The following ANKS1B variants were observed in gnomAD, a reference collection of about 807,000 sequenced individuals.
ANKS1B encodes ankyrin repeat and sterile alpha motif domain containing 1B.
ANKS1B carries 36 observed loss-of-function variants against 148.3 expected under a neutral mutation model. The observed-to-expected ratio is 0.24, with a 90% CI of 0.19 to 0.32. ANKS1B has a LOEUF of 0.32. Ranked by LOEUF, ANKS1B falls within the 10% of genes least tolerant of loss-of-function variation. The pLI, the probability that ANKS1B is intolerant of heterozygous loss-of-function variation, is 1.00. For missense variants in ANKS1B, 1,157 were observed against 1,542.6 expected, an observed-to-expected ratio of 0.75 and a Z score of 4.19; for synonymous variants, 542 against 560.8, an observed-to-expected ratio of 0.97 and a Z score of 0.47.
chr12:99,075,920 A>G (rs550550916), intron 16 of ANKS1B, among the ~76,000 whole-genome samples: 2 of 149,216 alleles, frequency 1.3e-5, no homozygotes, highest in South Asian at 2.1e-4. Flanking sequence ...ATAGGAATAT[A>G]ATATGTTAAT....
At chr12:98,937,149 C>T (rs1053532461) in intron 17 of ANKS1B, among the ~76,000 whole-genome samples, 64 of 152,200 alleles carry the variant, frequency 4.2e-4, no homozygotes, top group African/African-American at 1.3e-3. Context: ...ATGGTTCATT[C>T]GGGTAGAGGA....
intron 17 of ANKS1B, among the ~76,000 whole-genome samples, chr12:98,973,983 C>T (rs990289073): frequency 2.0e-5 from 3 of 152,098 alleles, no homozygotes; most frequent in African/African-American, 7.2e-5. Context: ...CAGTTTCAGG[C>T]ATCCACTGGG....
At chr12:99,103,889 A>G (rs912695827) in intron 15 of ANKS1B, among the ~76,000 whole-genome samples, 1 of 152,220 alleles carries the variant, frequency 6.6e-6, no homozygotes, top group Non-Finnish European at 1.5e-5. Flanking sequence ...AAGTATACCA[A>G]TTTAATCTAA....
intron 9 of ANKS1B, among the ~76,000 whole-genome samples, chr12:99,625,058 T>A (rs2098097186): frequency 6.6e-6 from 1 of 152,066 alleles, no homozygotes; most frequent in Non-Finnish European, 1.5e-5. Context: ...TGGGATACTA[T>A]GCAGCCATAA....
chr12:99,112,605 T>C (rs1011432617), intron 15 of ANKS1B, among the ~76,000 whole-genome samples: 3 of 152,064 alleles, frequency 2.0e-5, no homozygotes, highest in Non-Finnish European at 4.4e-5. Flanking sequence ...CTGTTATGTA[T>C]CAGGTACTGT....
At chr12:99,754,127 A>G (rs1172585141) in intron 8 of ANKS1B, among the ~76,000 whole-genome samples, 1 of 152,162 alleles carries the variant, frequency 6.6e-6, no homozygotes, top group Non-Finnish European at 1.5e-5. Context: ...ACATGTAATG[A>G]CACACATAGG....
intron 9 of ANKS1B, among the ~76,000 whole-genome samples, chr12:99,532,127 T>C (rs1396110262): frequency 6.6e-6 from 1 of 152,208 alleles, no homozygotes; most frequent in African/African-American, 2.4e-5. Flanking sequence ...TTGTGGATAT[T>C]TTCTCCCATT....
intron 12 of ANKS1B, among the ~76,000 whole-genome samples, chr12:99,398,739 T>C (rs981394757): frequency 3.3e-5 from 5 of 152,086 alleles, no homozygotes; most frequent in South Asian, 2.1e-4. Context: ...ATTTTACCCA[T>C]AGCCATCACT....
intron 8 of ANKS1B, among the ~76,000 whole-genome samples, chr12:99,730,324 T>C (rs12809513): frequency 2.3e-5 from 2 of 88,756 alleles, no homozygotes; most frequent in Admixed American, 2.3e-4. Flanking sequence ...CAAGTCAAGT[T>C]GAGTCAAGGC....
intron 17 of ANKS1B, among the ~76,000 whole-genome samples, chr12:98,965,648 T>C (rs917457601): frequency 2.0e-5 from 3 of 152,140 alleles, no homozygotes; most frequent in African/African-American, 4.8e-5. Context: ...CTTCTAACTA[T>C]ACTACAAGGC....
chr12:99,103,537 AC>A (rs1430769881), intron 15 of ANKS1B, among the ~76,000 whole-genome samples: 1 of 152,224 alleles, frequency 6.6e-6, no homozygotes, highest in African/African-American at 2.4e-5. Flanking sequence ...TTTTTAAATT[AC>A]TTGATGTCTT....
intron 17 of ANKS1B, among the ~76,000 whole-genome samples, chr12:98,953,850 G>A (rs1351698922): frequency 6.6e-6 from 1 of 151,990 alleles, no homozygotes; most frequent in Non-Finnish European, 1.5e-5. Context: ...ACATGGCCTT[G>A]CTTTGGTCCT....
intron 15 of ANKS1B, among the ~76,000 whole-genome samples, chr12:99,109,745 TTG>T (rs149419910): frequency 0.013 from 1,967 of 152,266 alleles, 42 homozygotes; most frequent in African/African-American, 0.045. Context: ...AATCTAGCAT[TTG>T]TCTTTATGCA....
intron 12 of ANKS1B, among the ~76,000 whole-genome samples, chr12:99,382,288 T>C (rs559850288): frequency 5.9e-5 from 9 of 152,268 alleles, no homozygotes; most frequent in Non-Finnish European, 1.3e-4. Flanking sequence ...CCTACATCTT[T>C]TAAATTAAAA....
intron 1 of ANKS1B, among the ~76,000 whole-genome samples, chr12:99,847,219 C>T (rs558579342): frequency 1.2e-4 from 19 of 152,040 alleles, no homozygotes; most frequent in African/African-American, 4.1e-4. Context: ...GATCCTCCCA[C>T]CTCATCCTCC....
chr12:99,740,964 G>A (rs771625815), intron 8 of ANKS1B, among the ~76,000 whole-genome samples: 3 of 152,118 alleles, frequency 2.0e-5, no homozygotes, highest in Non-Finnish European at 4.4e-5. Flanking sequence ...AAGCACAAAA[G>A]TAGGTGGCAA....
intron 8 of ANKS1B, among the ~76,000 whole-genome samples, chr12:99,720,911 T>A (rs975703621): frequency 6.6e-6 from 1 of 152,218 alleles, no homozygotes; most frequent in Non-Finnish European, 1.5e-5. Context: ...AAACTGCCAC[T>A]CTTAACTCTT....
intron 12 of ANKS1B, among the ~76,000 whole-genome samples, chr12:99,373,944 G>A (rs1360959895): frequency 1.3e-5 from 2 of 152,050 alleles, no homozygotes; most frequent in Non-Finnish European, 2.9e-5. Context: ...TCAATGCATT[G>A]CTTCTTTCAT....
intron 14 of ANKS1B, among the ~76,000 whole-genome samples, chr12:99,172,745 G>T (rs1267769076): frequency 6.7e-6 from 1 of 148,576 alleles, no homozygotes; most frequent in Non-Finnish European, 1.5e-5. Flanking sequence ...ACAAAGTGAT[G>T]AAAAATAATA....
Sources: allele counts gnomAD v4.1 joint callset (sites outside exome capture counted in the v4.1 genomes callset), GRCh38; gene constraint gnomAD v4.1.1; transcripts MANE v1.5; gene names NCBI Gene and HGNC (gene_info 2026-07-23, HGNC 2026-07-21).